Variants in GLRA2 observed in about 807,000 individuals in gnomAD.
GLRA2 encodes glycine receptor subunit alpha-2.
Under a neutral mutation model 31.6 loss-of-function variants are expected in GLRA2, and 11 were observed. The observed-to-expected ratio is 0.35, with a 90% CI of 0.22 to 0.58. GLRA2 has a LOEUF of 0.58. Among genes scored for constraint, GLRA2 ranks in the 20% least tolerant of loss-of-function variants. The pLI, the probability that GLRA2 is intolerant of heterozygous loss-of-function variation, is 0.84. For synonymous variants in GLRA2, 132 were observed against 134.0 expected, an observed-to-expected ratio of 0.99 and a Z score of 0.10; for missense variants, 212 against 351.8, an observed-to-expected ratio of 0.60 and a Z score of 3.18.
chrX:14,597,066 T>A (rs1315087736), intron 4 of GLRA2, among the ~76,000 whole-genome samples: 2 of 111,712 alleles, frequency 1.8e-5, no homozygotes, highest in African/African-American at 3.3e-5. Context: ...CTAATTTCAC[T>A]TAAGGTCTAG....
the GLRA2 span, among the ~76,000 whole-genome samples, chrX:14,453,139 G>C: frequency 8.9e-6 from 1 of 111,888 alleles, no homozygotes; most frequent in East Asian, 2.8e-4. Flanking sequence ...GTTAAGAAAA[G>C]TTTTATATTT....
chrX:14,683,838 G>A (rs984056201), intron 7 of GLRA2, among the ~76,000 whole-genome samples: 4 of 109,708 alleles, frequency 3.6e-5, no homozygotes, highest in African/African-American at 1.3e-4. Context: ...CATGGCACAT[G>A]TATACATATG....
At chrX:14,720,140 CAATA>C (rs889923359) in intron 8 of GLRA2, among the ~76,000 whole-genome samples, 2 of 110,548 alleles carry the variant, frequency 1.8e-5, no homozygotes, top group African/African-American at 6.6e-5. Flanking sequence ...CTACAGTAAA[CAATA>C]ATTTATTGTA....
chrX:14,458,557 C>T, the GLRA2 span, among the ~76,000 whole-genome samples: 1 of 111,943 alleles, frequency 8.9e-6, no homozygotes, highest in Non-Finnish European at 1.9e-5. Flanking sequence ...TTTTAATGGT[C>T]GCCATTCTAA....
In GLRA2 at chrX:14,530,041, G is replaced by C; in HGVS notation, c.-17G>C. ...AATCATTTCGGGATATTTTCCACAA[G>C]CAACACAGAAACAGGAATGAACCGG... On this transcript the variant is annotated 5_prime_UTR_variant, in exon 1 of 9. Coordinates refer to ENST00000218075, the MANE Select transcript of GLRA2 (RefSeq NM_002063.4). 8.6e-7 allele frequency: 1 copy of C among 1,162,335 alleles called. No individual in the cohort carries two copies. The highest frequency in any genetic ancestry group is 1.2e-6 in the Non-Finnish European group (1 of 850,339).
At chrX:14,721,226 T>C (rs1159461988) in intron 8 of GLRA2, among the ~76,000 whole-genome samples, 1 of 110,969 alleles carries the variant, frequency 9.0e-6, no homozygotes, top group Non-Finnish European at 1.9e-5. Context: ...AACCCTGTTT[T>C]AGTTAGGAGG....
intron 7 of GLRA2, among the ~76,000 whole-genome samples, chrX:14,684,003 G>A (rs1194730269): frequency 2.7e-5 from 3 of 110,982 alleles, no homozygotes; most frequent in East Asian, 2.8e-4. Flanking sequence ...ATTTTGCTAC[G>A]TGAATGTACA....
At chrX:14,635,110 G>A (rs181941809) in intron 7 of GLRA2, among the ~76,000 whole-genome samples, 2 of 111,638 alleles carry the variant, frequency 1.8e-5, no homozygotes, top group African/African-American at 3.2e-5. Context: ...AAGCTTATGC[G>A]TTCTATTATG....
chrX:14,655,673 G>T (rs1461979491), intron 7 of GLRA2, among the ~76,000 whole-genome samples: 2 of 111,477 alleles, frequency 1.8e-5, no homozygotes, highest in Non-Finnish European at 3.8e-5. Context: ...AGGCCCAGAA[G>T]GATGTTTCTA....
At chrX:14,568,700 AAAAAAAAAAGAAAAG>A (rs1264856241) in intron 2 of GLRA2, among the ~76,000 whole-genome samples, 2 of 63,380 alleles carry the variant, frequency 3.2e-5, no homozygotes, top group African/African-American at 1.6e-4. Context: ...CTCAAAAAAA[AAAAAAAAAAGAAAAG>A]AAAAAAAAGA....
chrX:14,516,015 A>T, the GLRA2 span, among the ~76,000 whole-genome samples: 12 of 112,154 alleles, frequency 1.1e-4, no homozygotes, highest in Non-Finnish European at 2.1e-4. Context: ...ACTACTAATT[A>T]TAGTCACAAA....
the GLRA2 span, among the ~76,000 whole-genome samples, chrX:14,480,074 AGAT>A: frequency 4.5e-5 from 5 of 111,798 alleles, no homozygotes; most frequent in Admixed American, 2.8e-4. Context: ...GACTGTTGTA[AGAT>A]GATATTTCAT....
chrX:14,545,042 CA>C (rs1486501753), intron 2 of GLRA2, among the ~76,000 whole-genome samples: 2 of 111,769 alleles, frequency 1.8e-5, no homozygotes, highest in Non-Finnish European at 3.8e-5. Context: ...AGCCCCTACA[CA>C]TTCTATATCA....
At chrX:14,602,208 G>A (rs2090283006) in intron 4 of GLRA2, among the ~76,000 whole-genome samples, 1 of 111,067 alleles carries the variant, frequency 9.0e-6, no homozygotes, top group African/African-American at 3.3e-5. Context: ...AAAGGGAAAT[G>A]GTGGAAATGA....
the GLRA2 span, among the ~76,000 whole-genome samples, chrX:14,490,679 A>G: frequency 8.9e-6 from 1 of 111,954 alleles, no homozygotes; most frequent in Non-Finnish European, 1.9e-5. Context: ...TGAAACAAAC[A>G]AACAATGAAA....
intron 8 of GLRA2, among the ~76,000 whole-genome samples, chrX:14,706,703 A>G (rs979085101): frequency 8.9e-6 from 1 of 111,952 alleles, no homozygotes; most frequent in African/African-American, 3.3e-5. Context: ...GTGTTCACAT[A>G]CACAAGGAGG....
chrX:14,557,268 A>G (rs2089661191), intron 2 of GLRA2, among the ~76,000 whole-genome samples: 2 of 106,917 alleles, frequency 1.9e-5, no homozygotes, highest in South Asian at 8.5e-4. Flanking sequence ...GGCGCCCACC[A>G]CCACGCCCGG....
chrX:14,456,249 A>G, the GLRA2 span, among the ~76,000 whole-genome samples: 1 of 111,231 alleles, frequency 9.0e-6, no homozygotes, highest in African/African-American at 3.3e-5. Flanking sequence ...CCTAACATTT[A>G]TACATATTCA....
intron 7 of GLRA2, among the ~76,000 whole-genome samples, chrX:14,649,445 T>C (rs1181649195): frequency 1.8e-5 from 2 of 110,932 alleles, no homozygotes; most frequent in East Asian, 5.6e-4. Flanking sequence ...TAAGGACTGG[T>C]GGTGATCATT....
Sources: allele counts gnomAD v4.1 joint callset (sites outside exome capture counted in the v4.1 genomes callset), GRCh38; gene constraint gnomAD v4.1.1; transcripts MANE v1.5; gene names NCBI Gene and HGNC (gene_info 2026-07-23, HGNC 2026-07-21).